The following WNT9B variants were observed in gnomAD, a reference collection of about 807,000 sequenced individuals.
The protein encoded by WNT9B is Wnt family member 9B.
WNT9B carries 12 observed loss-of-function variants against 30.2 expected under a neutral mutation model. The ratio of observed to expected loss-of-function variants is 0.40; its 90% confidence interval spans 0.26 to 0.64. WNT9B has a LOEUF of 0.64. Among genes scored for constraint, WNT9B ranks in the 30% least tolerant of loss-of-function variants. WNT9B has a pLI of 0.42. For missense variants in WNT9B, 442 were observed against 485.2 expected (o/e 0.91, Z 0.84); for synonymous variants, 218 against 216.9 (o/e 1.01, Z -0.05).
chr17:46,864,159 G>A (rs748972381), intron 1 of WNT9B, among the ~76,000 whole-genome samples: 23 of 152,212 alleles, frequency 1.5e-4, no homozygotes, highest in Non-Finnish European at 2.8e-4. Context: ...GTGCATTCAA[G>A]AACCTGTCAA....
At chr17:46,849,321 G>C (rs1178680956), upstream of WNT9B, among the ~76,000 whole-genome samples, 3 of 152,196 alleles carry the variant, frequency 2.0e-5, no homozygotes, top group East Asian at 5.8e-4. Flanking sequence ...TTTTGAAAAG[G>C]TGTCACTTTG....
At position 46,875,198 on chromosome 17, in the gene WNT9B, C is replaced by G. The variant is rs2085324580; in HGVS notation, c.432C>G (p.Thr144=). 1 of 1,614,028 alleles carries G rather than the reference C, an allele frequency of 6.2e-7. No homozygotes were observed. The highest frequency in any genetic ancestry group is 8.5e-7 in the Non-Finnish European group (1 of 1,180,056). Residue 144 remains threonine, a synonymous_variant, in exon 3 of 4, where the codon ACC becomes ACG. Coordinates refer to ENST00000290015, the MANE Select transcript of WNT9B (RefSeq NM_003396.3). ...GCGCTGGGCGCATGGAGCGCTGCAC[C>G]TGTGATGACTCTCCGGGGCTGGAGA... ...ACSAGRMERC[T]CDDSPGLESR...
At chr17:46,842,683 A>G (rs371345883) in intron 1 of WNT9B, among the ~76,000 whole-genome samples, 2 of 152,166 alleles carry the variant, frequency 1.3e-5, no homozygotes, top group Non-Finnish European at 2.9e-5. Flanking sequence ...TTAAACTTTT[A>G]TTCAAAGTCC....
chr17:46,867,461 CGGAG>C (rs1451197584), intron 1 of WNT9B, among the ~76,000 whole-genome samples: 1 of 152,230 alleles, frequency 6.6e-6, no homozygotes, highest in African/African-American at 2.4e-5. Flanking sequence ...GAGGTCACCT[CGGAG>C]TGAGTCAGAC....
At chr17:46,868,133 C>T (rs2085171276) in intron 1 of WNT9B, among the ~76,000 whole-genome samples, 1 of 152,088 alleles carries the variant, frequency 6.6e-6, no homozygotes, top group Admixed American at 6.5e-5. Context: ...AGTGGTGGCC[C>T]CAGGAGGCTC....
intron 2 of WNT9B, 95 bp downstream of exon 2, chr17:46,872,868 C>T: frequency 1.4e-6 from 2 of 1,422,902 alleles, no homozygotes; most frequent in Non-Finnish European, 1.9e-6. Flanking sequence ...TTTCCTGGCT[C>T]CCGTGCCCAG....
At position 46,878,604 on chromosome 17, in the gene WNT9B, A is replaced by C. The variant is rs572079677; in HGVS notation, c.*1886A>C. Among the ~76,000 whole-genome samples, 139 of 152,166 alleles carry C rather than the reference A, an allele frequency of 9.1e-4. No individual in the cohort carries two copies. Among genetic ancestry groups the C allele is most frequent in the Non-Finnish European group, 1.7e-3 (115 of 67,988 alleles). On this transcript the variant is annotated 3_prime_UTR_variant, in exon 4 of 4. Transcript: ENST00000290015. ...TTTCTTCCACTTCCCCACAGCATGG[A>C]GATTTTCTCTGCCTTCCCAATCCAT...
Position 46,861,820 on chromosome 17 carries a change from C to T in WNT9B, c.77+10105C>T, listed in dbSNP as rs934101894. Among the ~76,000 whole-genome samples, 7 of 152,220 alleles carry T rather than the reference C, an allele frequency of 4.6e-5. No homozygotes were observed. In the East Asian group the frequency reaches 1.2e-3, roughly 25 times the overall value. The stretch of plus-strand genomic sequence containing the variant: ...AAAGGGTTTGTTTTTCCTGGTGTTA[C>T]AATCCCTTTGAGGCCAGATGCTGTC... On this transcript the variant is annotated intron_variant, in intron 1 of 3. Transcript: ENST00000290015.
upstream of WNT9B, among the ~76,000 whole-genome samples, chr17:46,849,304 C>T (rs527253941): frequency 6.6e-6 from 1 of 152,368 alleles, no homozygotes; most frequent in African/African-American, 2.4e-5. Context: ...ATGTAACTTT[C>T]ATGAAATTTT....
intron 1 of WNT9B, among the ~76,000 whole-genome samples, chr17:46,868,649 G>C (rs1420963110): frequency 6.6e-6 from 1 of 152,092 alleles, no homozygotes; most frequent in Non-Finnish European, 1.5e-5. Context: ...ACATTTTTCT[G>C]GGTTCATAAG....
At position 46,875,116 on chromosome 17, in the gene WNT9B, C is replaced by G. The variant is rs751175581; in HGVS notation, c.350C>G (p.Ala117Gly). Residue 117 changes from alanine to glycine, a missense_variant, in exon 3 of 4, where the codon GCT (alanine) becomes GGT (glycine). Ala to Gly is a moderately conservative substitution (Grantham distance 60). Transcript: ENST00000290015. ...GLLKRGFKET[A>G]FLYAVSSAAL... is the part of the protein sequence containing the mutation. ...CCCGATCCAGGCTTCAAAGAGACAG[C>G]TTTCCTGTACGCGGTGTCCTCTGCC... is the stretch of plus-strand genomic sequence containing the variant. The G allele has an allele frequency of 2.5e-6, 4 of 1,613,876 alleles. No homozygotes were observed. Among genetic ancestry groups the G allele is most frequent in the Non-Finnish European group, 3.4e-6 (4 of 1,180,036 alleles).
At chr17:46,874,196 T>C (rs2085304345) in intron 2 of WNT9B, among the ~76,000 whole-genome samples, 1 of 151,600 alleles carries the variant, frequency 6.6e-6, no homozygotes, top group Non-Finnish European at 1.5e-5. Flanking sequence ...CAGAGAGGAG[T>C]GTCGGTGGTT....
At position 46,880,427 on chromosome 17, in the gene WNT9B, T is replaced by C. The variant is rs1568134748; in HGVS notation, c.*3709T>C. On this transcript the variant is annotated 3_prime_UTR_variant, in exon 4 of 4. Transcript: ENST00000290015. ...TTCAACCAATGATTATTTAGGGATCTCTTATTGAGCACCAGGCAGCATCCT... is the reference window on the plus strand; with the variant it reads ...TTCAACCAATGATTATTTAGGGATCCCTTATTGAGCACCAGGCAGCATCCT... Among the ~76,000 whole-genome samples the C allele has an allele frequency of 6.6e-6, 1 of 152,216 alleles. No individual in the cohort carries two copies. Among genetic ancestry groups the C allele is most frequent in the East Asian group, 1.9e-4 (1 of 5,204 alleles).
Position 46,875,347 on chromosome 17 carries a change from A to G in WNT9B, c.581A>G (p.Asn194Ser), listed in dbSNP as rs746637340. The G allele has an allele frequency of 1.2e-6, 2 of 1,608,416 alleles. No homozygotes were observed. The highest frequency in any genetic ancestry group is 1.1e-5 in the South Asian group (1 of 90,474). ...KDLRARADAH[N>S]THVGIKAVKS... ...CTGCGGGCACGGGCAGACGCCCACA[A>G]TACCCACGTGGGCATCAAGGTGAGC... The change falls in exon 3 of 4, where the codon AAT (asparagine) becomes AGT (serine). Residue 194 changes from asparagine (N) to serine (S), a missense_variant. By Grantham distance (46) the Asn-to-Ser change is conservative. Coordinates refer to ENST00000290015, the MANE Select transcript of WNT9B (RefSeq NM_003396.3).
At chr17:46,836,434 T>C (rs991354354) in intron 1 of WNT9B, among the ~76,000 whole-genome samples, 3 of 152,112 alleles carry the variant, frequency 2.0e-5, no homozygotes, top group Admixed American at 1.3e-4. Flanking sequence ...TGAAATGGGG[T>C]TTCAAGGGCA....
At chr17:46,873,065 C>T (rs966234296) in intron 2 of WNT9B, among the ~76,000 whole-genome samples, 18 of 149,858 alleles carry the variant, frequency 1.2e-4, no homozygotes, top group Non-Finnish European at 2.1e-4. Flanking sequence ...TGGGGTCCCC[C>T]AGTTGTCTCC....
intron 1 of WNT9B, chr17:46,833,485 C>T (rs777282677): frequency 4.2e-6 from 2 of 474,902 alleles, no homozygotes; most frequent in Non-Finnish European, 8.4e-6. Flanking sequence ...CCCGACTCCC[C>T]ATCTGGTCAC....
chr17:46,849,774 C>T (rs1261981667), upstream of WNT9B, among the ~76,000 whole-genome samples: 1 of 152,092 alleles, frequency 6.6e-6, no homozygotes, highest in East Asian at 1.9e-4. Context: ...TTGTAAACAC[C>T]ATCACACCCC....
intron 1 of WNT9B, among the ~76,000 whole-genome samples, chr17:46,853,217 CACTTA>C (rs569720077): frequency 8.7e-4 from 132 of 152,128 alleles, no homozygotes; most frequent in Non-Finnish European, 1.3e-3. Flanking sequence ...TTGGCCAAGT[CACTTA>C]ACTTAACCTC....
Sources: gnomAD v4.1 joint callset for allele counts (sites outside exome capture counted in the v4.1 genomes callset) on GRCh38, gnomAD v4.1.1 for gene constraint, MANE v1.5 for transcripts, NCBI Gene and HGNC (gene_info 2026-07-23, HGNC 2026-07-21) for gene names.